TMEM135: variants seen among roughly 807,000 people sequenced by gnomAD.
TMEM135 encodes transmembrane protein 135.
TMEM135 carries 30 observed loss-of-function variants against 60.3 expected under a neutral mutation model. That is an observed-to-expected ratio of 0.50 (90% confidence interval 0.37 to 0.68). The LOEUF is 0.68. TMEM135 is among the 30% of genes least tolerant of loss of function. The probability of loss-of-function intolerance (pLI) is 0.00; values close to 1 mark genes in which losing one functional copy is unlikely to be tolerated. For missense variants in TMEM135, 468 were observed against 548.8 expected (o/e 0.85, Z 1.47); for synonymous variants, 190 against 186.7 (o/e 1.02, Z -0.14).
Position 87,328,396 on chromosome 11 carries a change from G to A in TMEM135, c.*7063G>A, listed in dbSNP as rs1942945340. 1 of 453,908 alleles carries A rather than the reference G, an allele frequency of 2.2e-6. No individual in the cohort carries two copies. The highest frequency in any genetic ancestry group is 2.0e-5 in the African/African-American group (1 of 50,000). 28.1% of individuals were successfully genotyped at this position (453,908 alleles called of 1,614,324 possible). On this transcript the variant is annotated 3_prime_UTR_variant, in exon 15 of 15. Coordinates refer to ENST00000305494, the MANE Select transcript of TMEM135 (RefSeq NM_022918.4). The stretch of plus-strand genomic sequence containing the variant: ...TTTCAGTAGCTTTTGGGGTACAAGT[G>A]GTTTTTGGTTGCATGGATGAATTGT...
chr11:87,303,130 G>A lies in TMEM135; in HGVS notation c.698+688G>A, dbSNP rs186585962. Among the ~76,000 whole-genome samples, 12 of 152,230 alleles carry A rather than the reference G, an allele frequency of 7.9e-5. No individual in the cohort carries two copies. The East Asian group carries it at 2.3e-3, about 29-fold the overall frequency. On this transcript the variant is annotated intron_variant, in intron 8 of 14. Transcript: ENST00000305494. The stretch of plus-strand genomic sequence containing the variant: ...ATGGACCAGTACTGGTCCGAGGCCT[G>A]TTAGGAACCTGGCCACACAGCAGGA...
intron 4 of TMEM135, among the ~76,000 whole-genome samples, chr11:87,137,298 G>A (rs1244004130): frequency 6.6e-6 from 1 of 151,886 alleles, no homozygotes; most frequent in Non-Finnish European, 1.5e-5. Context: ...ATGAGGAATG[G>A]GAATACTATT....
intron 1 of TMEM135, among the ~76,000 whole-genome samples, chr11:87,055,310 A>T (rs1949883274): frequency 6.6e-6 from 1 of 152,228 alleles, no homozygotes; most frequent in Non-Finnish European, 1.5e-5. Flanking sequence ...AGTTTATTTG[A>T]CAATTTCACA....
intron 6 of TMEM135, among the ~76,000 whole-genome samples, chr11:87,240,776 T>C (rs529214460): frequency 6.6e-6 from 1 of 152,282 alleles, no homozygotes; most frequent in South Asian, 2.1e-4. Flanking sequence ...AATAGTACTG[T>C]AAAGTGTATT....
chr11:87,264,046 A>G (rs534534802), intron 6 of TMEM135, among the ~76,000 whole-genome samples: 3 of 152,022 alleles, frequency 2.0e-5, no homozygotes, highest in East Asian at 3.8e-4. Flanking sequence ...TGGATTTTAC[A>G]TATGACATAG....
In TMEM135 at chr11:87,325,372, C is replaced by T. The variant is rs1214450407; in HGVS notation, c.*4039C>T. 31 of 453,932 alleles carry T rather than the reference C, an allele frequency of 6.8e-5. No homozygotes were observed. The highest frequency in any genetic ancestry group is 1.3e-4 in the Non-Finnish European group (30 of 226,790). The allele number at this position is 453,932 out of a possible 1,614,324, so 28.1% of individuals were successfully genotyped here. A position where few individuals can be genotyped will look rare whatever the true frequency, so the allele number is the denominator to read the frequency against. The stretch of plus-strand genomic sequence containing the variant: ...TGAGTGAATGGCCTTAAGCTTACAG[C>T]TGTGGTGAATAAGAATGTGTGCTAT... On this transcript the variant is annotated 3_prime_UTR_variant, in exon 15 of 15. Transcript: ENST00000305494.
chr11:87,254,379 T>C (rs916821860), intron 6 of TMEM135, among the ~76,000 whole-genome samples: 2 of 152,196 alleles, frequency 1.3e-5, no homozygotes, highest in African/African-American at 4.8e-5. Flanking sequence ...CAGTCTTCAA[T>C]GCCATATATA....
At chr11:87,315,483 C>T (rs1307175808) in intron 12 of TMEM135, among the ~76,000 whole-genome samples, 1 of 151,884 alleles carries the variant, frequency 6.6e-6, no homozygotes, top group Non-Finnish European at 1.5e-5. Flanking sequence ...TAAGATTGAT[C>T]AGTGGGCTTA....
intron 6 of TMEM135, among the ~76,000 whole-genome samples, chr11:87,250,650 G>GT (rs1941395204): frequency 6.6e-6 from 1 of 152,034 alleles, no homozygotes; most frequent in African/African-American, 2.4e-5. Flanking sequence ...ATGATTTCAA[G>GT]TTTTTGAATT....
intron 5 of TMEM135, among the ~76,000 whole-genome samples, chr11:87,184,887 T>C (rs944826521): frequency 1.3e-5 from 2 of 152,312 alleles, no homozygotes; most frequent in African/African-American, 4.8e-5. Flanking sequence ...TCCTGTTTGC[T>C]AAATAAAAAC....
intron 6 of TMEM135, among the ~76,000 whole-genome samples, chr11:87,292,077 C>T (rs1386524688): frequency 6.6e-6 from 1 of 152,150 alleles, no homozygotes; most frequent in Non-Finnish European, 1.5e-5. Context: ...GGGCTGTATA[C>T]TTGATTACCT....
chr11:87,193,833 T>A (rs1939872903), intron 5 of TMEM135, among the ~76,000 whole-genome samples: 1 of 150,030 alleles, frequency 6.7e-6, no homozygotes, highest in Non-Finnish European at 1.5e-5. Context: ...TATACTTGTT[T>A]TGAATTTTTT....
intron 5 of TMEM135, among the ~76,000 whole-genome samples, chr11:87,196,551 G>A (rs76660982): frequency 0.027 from 4,134 of 152,156 alleles, 169 homozygotes; most frequent in African/African-American, 0.091. Flanking sequence ...GCAGTAGACT[G>A]TTTTCTTTTT....
At chr11:87,053,384 TATCTGTATA>T (rs777626217) in intron 1 of TMEM135, among the ~76,000 whole-genome samples, 8 of 152,166 alleles carry the variant, frequency 5.3e-5, no homozygotes, top group Non-Finnish European at 1.2e-4. Flanking sequence ...TGTATAAATC[TATCTGTATA>T]AGCTTTGGAA....
chr11:87,266,949 G>A (rs1262043565), intron 6 of TMEM135, among the ~76,000 whole-genome samples: 1 of 152,050 alleles, frequency 6.6e-6, no homozygotes, highest in Admixed American at 6.5e-5. Flanking sequence ...AAGGTGATTA[G>A]TTTCATCTCC....
intron 5 of TMEM135, among the ~76,000 whole-genome samples, chr11:87,219,504 G>A (rs1195282716): frequency 6.6e-6 from 1 of 152,106 alleles, no homozygotes; most frequent in Non-Finnish European, 1.5e-5. Flanking sequence ...GTGAGAGAGT[G>A]AGAGCGAAAG....
chr11:87,222,181 C>CAAAAAAAAAAAA (rs386374401), intron 5 of TMEM135, among the ~76,000 whole-genome samples: 4 of 55,480 alleles, frequency 7.2e-5, no homozygotes, highest in Non-Finnish European at 1.0e-4. Flanking sequence ...GACTCTGTCT[C>CAAAAAAAAAAAA]AAAAAAAAAA....
intron 6 of TMEM135, among the ~76,000 whole-genome samples, chr11:87,239,867 T>C (rs2509560): frequency 0.66 from 100,190 of 151,986 alleles, 33,606 homozygotes; most frequent in Non-Finnish European, 0.71. Context: ...GTTTTTGATA[T>C]TGAAAACTAT....
chr11:87,173,689 A>G (rs946536164), intron 5 of TMEM135, among the ~76,000 whole-genome samples: 2 of 152,132 alleles, frequency 1.3e-5, no homozygotes, highest in Non-Finnish European at 2.9e-5. Context: ...ATTATTTTCT[A>G]TATTGGGGTG....
Sources: gnomAD v4.1 joint callset for allele counts (sites outside exome capture counted in the v4.1 genomes callset) on GRCh38, gnomAD v4.1.1 for gene constraint, MANE v1.5 for transcripts, NCBI Gene and HGNC (gene_info 2026-07-23, HGNC 2026-07-21) for gene names.